EIF2AK2: variants seen among roughly 807,000 people sequenced by gnomAD.
EIF2AK2 encodes the protein interferon-induced, double-stranded RNA-activated protein kinase.
Under a neutral mutation model 70.5 loss-of-function variants are expected in EIF2AK2, and 40 were observed. The ratio of observed to expected loss-of-function variants is 0.57; its 90% confidence interval spans 0.44 to 0.74. The LOEUF is 0.74. Ranked by LOEUF, EIF2AK2 falls within the 30% of genes least tolerant of loss-of-function variation. The probability of loss-of-function intolerance (pLI) is 0.00; values close to 1 mark genes in which losing one functional copy is unlikely to be tolerated. For synonymous variants in EIF2AK2, 198 were observed against 220.9 expected (o/e 0.90, Z 0.92); for missense variants, 555 against 644.3 (o/e 0.86, Z 1.50).
intron 10 of EIF2AK2, among the ~76,000 whole-genome samples, chr2:37,127,784 C>A (rs1443435303): frequency 6.6e-6 from 1 of 150,734 alleles, no homozygotes; most frequent in Non-Finnish European, 1.5e-5. Flanking sequence ...GTTCTGTCAC[C>A]CAGGCTGGAA....
chr2:37,136,928 TAA>T (rs1675146945), intron 9 of EIF2AK2, 53 bp downstream of exon 9: 1 of 1,513,114 alleles, frequency 6.6e-7, no homozygotes, highest in Non-Finnish European at 9.0e-7. Context: ...GAACAATAAA[TAA>T]GTCTGAAATA....
chr2:37,153,337 C>CTCTTTTTTTTTTTTTTTTTTTTTTT lies in EIF2AK2; in HGVS notation c.-184+3570_-184+3571insAAAAAAAAAAAAAAAAAAAAAAAGA, dbSNP rs777537067. Among the ~76,000 whole-genome samples the CTCTTTTTTTTTTTTTTTTTTTTTTT allele has an allele frequency of 2.7e-5, 3 of 109,866 alleles. 1 individual carries two copies. The highest frequency in any genetic ancestry group is 1.8e-5 in the Non-Finnish European group (1 of 54,640). 72.1% of individuals were successfully genotyped at this position (109,866 alleles called of 152,430 possible). A position where few individuals can be genotyped will look rare whatever the true frequency, so the allele number is the denominator to read the frequency against. On this transcript the variant is annotated intron_variant, in intron 1 of 16. Transcript: ENST00000233057. ...CCCAGTCCTTTCAGTCTCTGCTAAT[C>CTCTTTTTTTTTTTTTTTTTTTTTTT]TTTTTTTTTTTTTTTTTTTTTGAGA... is the stretch of plus-strand genomic sequence containing the variant.
intron 1 of EIF2AK2, among the ~76,000 whole-genome samples, chr2:37,155,950 A>AAGAAAG (rs1553340888): frequency 2.2e-5 from 3 of 138,980 alleles, no homozygotes; most frequent in East Asian, 2.2e-4. Context: ...AAAAAAAAAA[A>AAGAAAG]AAAAGAAAAG....
At chr2:37,111,941 A>C (rs7577041) in intron 14 of EIF2AK2, among the ~76,000 whole-genome samples, 39,088 of 116,290 alleles carry the variant, frequency 0.34, 6,832 homozygotes, top group East Asian at 0.66. Context: ...CTCTCTCTCT[A>C]TATATATATA....
At chr2:37,137,210 A>T (rs1675158987) in intron 8 of EIF2AK2, among the ~76,000 whole-genome samples, 193 bp from the exon 9 acceptor site, 3 of 152,204 alleles carry the variant, frequency 2.0e-5, no homozygotes, top group Admixed American at 2.0e-4. Context: ...TAATGAGTTT[A>T]AAATAGTATC....
chr2:37,120,142 G>A lies in EIF2AK2; in HGVS notation c.1068-3C>T, dbSNP rs2148675594. On this transcript the variant is annotated splice_polypyrimidine_tract_variant and splice_region_variant and intron_variant, in intron 12 of 16. Coordinates refer to ENST00000233057, the MANE Select transcript of EIF2AK2 (RefSeq NM_001135651.3). ...TGAAAAGGCACTTAGTCTTTGACCT[G>A]GGTATAAAATTCACAGTATGTTAAA... 7.1e-7 allele frequency: 1 copy of A among 1,403,788 alleles called. No homozygotes were observed. The highest frequency in any genetic ancestry group is 9.3e-7 in the Non-Finnish European group (1 of 1,073,392). 87.0% of individuals were successfully genotyped at this position (1,403,788 alleles called of 1,614,324 possible). A position where few individuals can be genotyped will look rare whatever the true frequency, so the allele number is the denominator to read the frequency against.
rs2148657589 is a variant in EIF2AK2 at position 37,101,222 on chromosome 2, GA to G, written c.*6050del. The G allele has an allele frequency of 6.6e-6, 1 of 152,276 alleles. No homozygotes were observed. The highest frequency in any genetic ancestry group is 2.1e-4 in the South Asian group (1 of 4,824). 9.4% of individuals were successfully genotyped at this position (152,276 alleles called of 1,614,324 possible). A position where few individuals can be genotyped will look rare whatever the true frequency, so the allele number is the denominator to read the frequency against. On this transcript the variant is annotated 3_prime_UTR_variant, in exon 17 of 17. Coordinates refer to ENST00000233057, the MANE Select transcript of EIF2AK2 (RefSeq NM_001135651.3). The stretch of plus-strand genomic sequence containing the variant: ...AAGAAATACTCATTTGTCAACTGTG[GA>G]GGTTGCTAGGGCACTAACTCACTCT...
intron 14 of EIF2AK2, among the ~76,000 whole-genome samples, chr2:37,111,313 A>G (rs1674135740): frequency 1.3e-5 from 2 of 152,104 alleles, no homozygotes; most frequent in Non-Finnish European, 2.9e-5. Flanking sequence ...ATGTTTGTAT[A>G]TTTTACCACA....
chr2:37,137,629 G>T (rs539378461), intron 8 of EIF2AK2, among the ~76,000 whole-genome samples: 55 of 152,256 alleles, frequency 3.6e-4, no homozygotes, highest in Non-Finnish European at 6.5e-4. Context: ...CTGATTTCAA[G>T]TTTACTTTTA....
At position 37,106,689 on chromosome 2, in the gene EIF2AK2, A is replaced by C. The variant is rs1038828592; in HGVS notation, c.*584T>G. 6.6e-6 allele frequency: 1 copy of C among 151,892 alleles called. No individual in the cohort carries two copies. Among genetic ancestry groups the C allele is most frequent in the Admixed American group, 6.6e-5 (1 of 15,232 alleles). 9.4% of individuals were successfully genotyped at this position (151,892 alleles called of 1,614,324 possible). A position where few individuals can be genotyped will look rare whatever the true frequency, so the allele number is the denominator to read the frequency against. On this transcript the variant is annotated 3_prime_UTR_variant, in exon 17 of 17. Transcript: ENST00000233057. ...GGTAGAAATTTAATAAATAGATATG[A>C]ATTGATTGATTCATTAATAGTATAA...
chr2:37,117,479 G>C (rs1400579243), intron 13 of EIF2AK2, among the ~76,000 whole-genome samples: 2 of 152,058 alleles, frequency 1.3e-5, no homozygotes, highest in South Asian at 2.1e-4. Context: ...CCAGGCTGCA[G>C]TGAGCTGAGA....
chr2:37,141,524 A>C (rs1366151097), intron 5 of EIF2AK2, 29 bp downstream of exon 5: 1 of 1,601,974 alleles, frequency 6.2e-7, no homozygotes, highest in Non-Finnish European at 8.5e-7. Flanking sequence ...ATACAATGAA[A>C]CAGAAAGAAA....
At chr2:37,133,626 C>G (rs374416970) in intron 10 of EIF2AK2, among the ~76,000 whole-genome samples, 1 of 152,164 alleles carries the variant, frequency 6.6e-6, no homozygotes, top group South Asian at 2.1e-4. Context: ...ACAATCAAAT[C>G]TAAACCACCT....
chr2:37,124,717 A>T (rs1674672415), intron 11 of EIF2AK2, among the ~76,000 whole-genome samples: 1 of 151,636 alleles, frequency 6.6e-6, no homozygotes, highest in Non-Finnish European at 1.5e-5. Flanking sequence ...TAAATCCATA[A>T]TTTGAATAAC....
chr2:37,122,805 C>A, intron 11 of EIF2AK2, 141 bp from the exon 12 acceptor site: 2 of 1,061,526 alleles, frequency 1.9e-6, no homozygotes, highest in Non-Finnish European at 1.4e-6. Flanking sequence ...AGAATGGAAG[C>A]CAGGACATTC....
chr2:37,146,593 C>G (rs1316421597), intron 4 of EIF2AK2, among the ~76,000 whole-genome samples: 1 of 152,204 alleles, frequency 6.6e-6, no homozygotes, highest in Non-Finnish European at 1.5e-5. Flanking sequence ...TCTCACCTTT[C>G]CATATTTGTT....
rs997702655 is a variant in EIF2AK2 at position 37,106,351 on chromosome 2, C to G, written c.*922G>C. The G allele has an allele frequency of 6.6e-6, 1 of 152,162 alleles. No homozygotes were observed. Among genetic ancestry groups the G allele is most frequent in the Non-Finnish European group, 1.5e-5 (1 of 68,026 alleles). The allele number at this position is 152,162 out of a possible 1,614,324, so 9.4% of individuals were successfully genotyped here. ...AGCTGTACTTCAATTGTTTTCAATA[C>G]TATATAGTACTCCTGTGTGTGAATA... On this transcript the variant is annotated 3_prime_UTR_variant, in exon 17 of 17. Transcript: ENST00000233057.
At chr2:37,134,034 C>A (rs966096705) in intron 10 of EIF2AK2, among the ~76,000 whole-genome samples, 11 of 152,314 alleles carry the variant, frequency 7.2e-5, no homozygotes, top group African/African-American at 2.6e-4. Flanking sequence ...TCTTCCTTTG[C>A]TCCAGAATGC....
At chr2:37,123,169 A>C (rs1439555305) in intron 11 of EIF2AK2, among the ~76,000 whole-genome samples, 1 of 152,072 alleles carries the variant, frequency 6.6e-6, no homozygotes, top group African/African-American at 2.4e-5. Flanking sequence ...CTCTGTCTCA[A>C]AAAATAAATA....
Sources: gnomAD v4.1 joint callset for allele counts (sites outside exome capture counted in the v4.1 genomes callset) on GRCh38, gnomAD v4.1.1 for gene constraint, MANE v1.5 for transcripts, NCBI Gene and HGNC (gene_info 2026-07-23, HGNC 2026-07-21) for gene names.